RUNDC3B: variants seen among roughly 807,000 people sequenced by gnomAD.
RUNDC3B encodes the protein RUN domain containing 3B, also known as RUN domain-containing protein 3B.
In RUNDC3B, 33 loss-of-function variants were observed where a neutral mutation model predicts 58.4. That is an observed-to-expected ratio of 0.56 (90% CI 0.43 to 0.75). RUNDC3B has a LOEUF of 0.75. Among genes scored for constraint, RUNDC3B ranks in the 30% least tolerant of loss-of-function variants. The pLI is 0.00. For missense variants in RUNDC3B, 501 were observed against 535.7 expected, an observed-to-expected ratio of 0.94 and a Z score of 0.64; for synonymous variants, 193 against 195.2, an observed-to-expected ratio of 0.99 and a Z score of 0.10.
intron 6 of RUNDC3B, among the ~76,000 whole-genome samples, chr7:87,755,162 A>G (rs1421921486): frequency 6.6e-6 from 1 of 151,882 alleles, no homozygotes; most frequent in Non-Finnish European, 1.5e-5. Flanking sequence ...AGCTGGGACT[A>G]CAAGTGCACA....
chr7:87,781,997 ATG>A (rs1338943810), intron 8 of RUNDC3B, among the ~76,000 whole-genome samples: 2 of 151,990 alleles, frequency 1.3e-5, no homozygotes, highest in Non-Finnish European at 2.9e-5. Context: ...GCTTCCTAGA[ATG>A]TGTTACAGAA....
chr7:87,677,427 C>T (rs1445173021), intron 2 of RUNDC3B, among the ~76,000 whole-genome samples: 2 of 150,366 alleles, frequency 1.3e-5, no homozygotes, highest in Non-Finnish European at 3.0e-5. Flanking sequence ...CACAGAAAGA[C>T]AAATACCACG....
At chr7:87,750,884 T>C (rs552729041) in intron 6 of RUNDC3B, among the ~76,000 whole-genome samples, 1 of 151,826 alleles carries the variant, frequency 6.6e-6, no homozygotes, top group East Asian at 1.9e-4. Context: ...TTTAGTTTAA[T>C]TAGATCTCAT....
intron 1 of RUNDC3B, among the ~76,000 whole-genome samples, chr7:87,645,442 G>C (rs1443473016): frequency 1.3e-5 from 2 of 152,166 alleles, no homozygotes; most frequent in Non-Finnish European, 2.9e-5. Flanking sequence ...GTGGGAAAGA[G>C]AATCTTTTTA....
rs376550469 is a variant in RUNDC3B, at chr7:87,705,029, T to C, written c.372+4475T>C. On this transcript the variant is annotated intron_variant, in intron 3 of 10. Transcript: ENST00000394654. Reference sequence around the variant, plus strand: ...TGGTGAACAGTATACAGTATACAAGTACACTTGTATCACAATTATATCACA... The same window carrying C: ...TGGTGAACAGTATACAGTATACAAGCACACTTGTATCACAATTATATCACA... Among the ~76,000 whole-genome samples the C allele has an allele frequency of 3.9e-4, 60 of 152,360 alleles. No homozygotes were observed. In the East Asian group the frequency reaches 4.8e-3, roughly 12 times the overall value.
intron 4 of RUNDC3B, among the ~76,000 whole-genome samples, chr7:87,738,249 C>G (rs1435532541): frequency 6.6e-6 from 1 of 151,996 alleles, no homozygotes; most frequent in Non-Finnish European, 1.5e-5. Flanking sequence ...CAATAGCCAA[C>G]TTAGTTATTG....
chr7:87,828,196 T>G (rs926617952), intron 10 of RUNDC3B, among the ~76,000 whole-genome samples: 35 of 152,118 alleles, frequency 2.3e-4, no homozygotes, highest in African/African-American at 8.0e-4. Context: ...TTATGTTCAG[T>G]AATTATTATA....
chr7:87,823,823 C>CACAT (rs1554499524), intron 10 of RUNDC3B, among the ~76,000 whole-genome samples: 50 of 146,892 alleles, frequency 3.4e-4, no homozygotes, highest in East Asian at 2.0e-3. Context: ...CACACACACA[C>CACAT]ATATATATAT....
intron 1 of RUNDC3B, among the ~76,000 whole-genome samples, chr7:87,633,870 A>G (rs1821473253): frequency 6.6e-6 from 1 of 152,160 alleles, no homozygotes; most frequent in African/African-American, 2.4e-5. Flanking sequence ...TTGTGTTGCT[A>G]TAAAGGAATA....
intron 4 of RUNDC3B, among the ~76,000 whole-genome samples, chr7:87,726,373 G>C (rs955047799): frequency 2.0e-5 from 3 of 152,098 alleles, no homozygotes; most frequent in African/African-American, 7.2e-5. Context: ...GCTGGTTTTT[G>C]TCAGGTTCGT....
At chr7:87,792,409 C>T (rs1293267689) in intron 8 of RUNDC3B, among the ~76,000 whole-genome samples, 5 of 152,096 alleles carry the variant, frequency 3.3e-5, no homozygotes, top group Admixed American at 2.6e-4. Flanking sequence ...CTAGAGAATA[C>T]ATGTTCTTTT....
intron 6 of RUNDC3B, among the ~76,000 whole-genome samples, chr7:87,747,293 G>T (rs558672717): frequency 6.6e-6 from 1 of 152,156 alleles, no homozygotes; most frequent in African/African-American, 2.4e-5. Context: ...GCTTCTACTG[G>T]GGGGGTGTGT....
At chr7:87,671,819 A>G (rs1825849796) in intron 2 of RUNDC3B, among the ~76,000 whole-genome samples, 1 of 152,156 alleles carries the variant, frequency 6.6e-6, no homozygotes, top group Non-Finnish European at 1.5e-5. Context: ...GAAGGCTGGA[A>G]AAGCTAAGTC....
chr7:87,818,353 C>T (rs1837194719), intron 10 of RUNDC3B, among the ~76,000 whole-genome samples: 1 of 151,890 alleles, frequency 6.6e-6, no homozygotes, highest in Admixed American at 6.6e-5. Context: ...TAAAAATTAA[C>T]CAAAAATCTA....
At chr7:87,655,774 A>G (rs187678330) in intron 2 of RUNDC3B, among the ~76,000 whole-genome samples, 2 of 152,236 alleles carry the variant, frequency 1.3e-5, no homozygotes, top group East Asian at 1.9e-4. Context: ...TCAAATTCAT[A>G]TGCTGGAAAC....
rs1838057181 is a variant in RUNDC3B, at chr7:87,830,154, G to A, written c.*124G>A. 8.9e-6 allele frequency: 4 copies of A among 450,632 alleles called. No individual in the cohort carries two copies. The highest frequency in any genetic ancestry group is 7.0e-5 in the East Asian group (2 of 28,752). 27.9% of individuals were successfully genotyped at this position (450,632 alleles called of 1,614,324 possible). On this transcript the variant is annotated 3_prime_UTR_variant, in exon 11 of 11. Coordinates refer to ENST00000394654, the MANE Select transcript of RUNDC3B (RefSeq NM_001134405.2). ...CATGTCTGAAATTCTATTGCTTGGA[G>A]AGAATCCCCTCCAGATAAGAGATTT...
chr7:87,725,010 TCTTG>T (rs1406003741), intron 4 of RUNDC3B, among the ~76,000 whole-genome samples: 3 of 152,154 alleles, frequency 2.0e-5, no homozygotes, highest in Non-Finnish European at 4.4e-5. Context: ...GGCTTATGAC[TCTTG>T]CTAGTCAAAG....
chr7:87,724,744 T>C (rs1264341692), intron 4 of RUNDC3B, among the ~76,000 whole-genome samples: 1 of 152,104 alleles, frequency 6.6e-6, no homozygotes, highest in Non-Finnish European at 1.5e-5. Context: ...CTTCTATTTT[T>C]ATACCTGATC....
Position 87,830,954 on chromosome 7 carries a change from G to A in RUNDC3B, c.*924G>A, listed in dbSNP as rs188664778. ...ATATTCAGTGCTGGTTCTTTTTCCT[G>A]TTTGTGCAACAATGAAGTGTGTCAT... On this transcript the variant is annotated 3_prime_UTR_variant, in exon 11 of 11. Transcript: ENST00000394654. 1 of 151,652 alleles carries A rather than the reference G, an allele frequency of 6.6e-6. No individual in the cohort carries two copies. Among genetic ancestry groups the A allele is most frequent in the East Asian group, 1.9e-4 (1 of 5,168 alleles). 9.4% of individuals were successfully genotyped at this position (151,652 alleles called of 1,614,324 possible).
Sources: gnomAD v4.1 joint callset for allele counts (sites outside exome capture counted in the v4.1 genomes callset) on GRCh38, gnomAD v4.1.1 for gene constraint, MANE v1.5 for transcripts, NCBI Gene and HGNC (gene_info 2026-07-23, HGNC 2026-07-21) for gene names.